ALPK1: variants seen among roughly 807,000 people sequenced by gnomAD.
ALPK1 encodes alpha-protein kinase 1.
A neutral mutation model predicts 120.6 loss-of-function variants in ALPK1; 110 were observed. That is an observed-to-expected ratio of 0.91 (90% CI 0.78 to 1.07). ALPK1 has a LOEUF of 1.07. ALPK1 is among the 50% of genes least tolerant of loss of function. The pLI, the probability that ALPK1 is intolerant of heterozygous loss-of-function variation, is 0.00. For synonymous variants in ALPK1, 582 were observed against 560.3 expected (o/e 1.04, Z -0.55); for missense variants, 1,498 against 1,483.9 (o/e 1.01, Z -0.16).
At chr4:112,402,409 C>T (rs1363316929) in intron 4 of ALPK1, among the ~76,000 whole-genome samples, 1 of 152,244 alleles carries the variant, frequency 6.6e-6, no homozygotes, top group African/African-American at 2.4e-5. Context: ...ACAGCACACA[C>T]TTTTCCTTGC....
intron 2 of ALPK1, among the ~76,000 whole-genome samples, chr4:112,342,802 C>A (rs927911056): frequency 3.9e-5 from 6 of 152,142 alleles, no homozygotes; most frequent in African/African-American, 7.2e-5. Flanking sequence ...AAGTGAGACA[C>A]AAAGACATTA....
At chr4:112,304,385 A>G (rs969932730) in intron 1 of ALPK1, among the ~76,000 whole-genome samples, 1 of 152,036 alleles carries the variant, frequency 6.6e-6, no homozygotes, top group Non-Finnish European at 1.5e-5. Context: ...AAGTGTTCCT[A>G]TTTCTCCACA....
intron 12 of ALPK1, among the ~76,000 whole-genome samples, chr4:112,436,293 ATACTAT>A (rs1734786256): frequency 7.9e-6 from 1 of 126,322 alleles, no homozygotes; most frequent in Non-Finnish European, 1.7e-5. Flanking sequence ...CTGAGGGTAG[ATACTAT>A]TATTATTCTC....
At chr4:112,382,779 T>C in intron 4 of ALPK1, 1 of 556,624 alleles carries the variant, frequency 1.8e-6, no homozygotes. Context: ...GAGTGGTCAG[T>C]GAGTCTAACA....
Position 112,425,718 on chromosome 4 carries a change from A to G in ALPK1, c.589A>G (p.Ile197Val), listed in dbSNP as rs776750570. Reference sequence around the variant, plus strand: ...CAAGGTCCTGGTGCAGTCGGTCTGTATACAGATCAGAGGGCAGATTCTGCA... The same window carrying G: ...CAAGGTCCTGGTGCAGTCGGTCTGTGTACAGATCAGAGGGCAGATTCTGCA... Reference protein sequence around the residue: ...SDKVLVQSVCIQIRGQILQKL... With the variant: ...SDKVLVQSVCVQIRGQILQKL... The change falls in exon 7 of 16, where the codon ATA (isoleucine) becomes GTA (valine). Residue 197 changes from isoleucine to valine, a missense_variant. By Grantham distance (29) the Ile-to-Val change is conservative. Coordinates refer to ENST00000650871, the MANE Select transcript of ALPK1 (RefSeq NM_025144.4). 6.2e-7 allele frequency: 1 copy of G among 1,613,028 alleles called. No individual in the cohort carries two copies. The highest frequency in any genetic ancestry group is 1.7e-5 in the Admixed American group (1 of 59,990).
chr4:112,304,367 C>A (rs1368794812), intron 1 of ALPK1, among the ~76,000 whole-genome samples: 1 of 152,122 alleles, frequency 6.6e-6, no homozygotes, highest in East Asian at 1.9e-4. Context: ...GTCCCACCAA[C>A]AGTGTAAAAG....
intron 2 of ALPK1, among the ~76,000 whole-genome samples, chr4:112,352,282 C>T (rs1730396083): frequency 6.6e-6 from 1 of 152,142 alleles, no homozygotes; most frequent in South Asian, 2.1e-4. Flanking sequence ...GAAAAACATA[C>T]CACTTGCTTT....
chr4:112,423,392 A>T (rs917485502), intron 5 of ALPK1, among the ~76,000 whole-genome samples: 1 of 152,234 alleles, frequency 6.6e-6, no homozygotes, highest in East Asian at 1.9e-4. Context: ...AAGCCAGATC[A>T]TGTAGGGCTT....
At chr4:112,317,168 TA>T (rs964814782) in intron 2 of ALPK1, among the ~76,000 whole-genome samples, 3 of 152,170 alleles carry the variant, frequency 2.0e-5, no homozygotes, top group African/African-American at 7.2e-5. Context: ...GATTTGCAAA[TA>T]TTTTTTCTCA....
intron 4 of ALPK1, among the ~76,000 whole-genome samples, chr4:112,391,556 G>C (rs1030968090): frequency 6.6e-6 from 1 of 152,218 alleles, no homozygotes; most frequent in African/African-American, 2.4e-5. Flanking sequence ...GGTCATACTG[G>C]AGTAGGGTGA....
At position 112,425,634 on chromosome 4, in the gene ALPK1, A is replaced by AAAAGGG. The variant is rs765384476; in HGVS notation, c.536-30_536-29insAAGGGA. 18 of 1,582,148 alleles carry AAAAGGG rather than the reference A, an allele frequency of 1.1e-5. No individual in the cohort carries two copies. The African/African-American group carries it at 2.4e-4, about 21-fold the overall frequency. Reference sequence around the variant, plus strand: ...TAATTTGCAAGGCTATATCTCTGATAATTCAAGGGAATTTTCATCTTTTCT... The same window carrying AAAAGGG: ...TAATTTGCAAGGCTATATCTCTGATAAAAGGGATTCAAGGGAATTTTCATCTTTTCT... On this transcript the variant is annotated intron_variant, in intron 6 of 15. Coordinates refer to ENST00000650871, the MANE Select transcript of ALPK1 (RefSeq NM_025144.4).
chr4:112,364,906 A>G (rs1377590805), intron 2 of ALPK1, among the ~76,000 whole-genome samples: 2 of 152,228 alleles, frequency 1.3e-5, no homozygotes, highest in Non-Finnish European at 2.9e-5. Context: ...TTTAACATAC[A>G]CAAGTCAATA....
At chr4:112,397,528 C>T (rs1045640919) in intron 4 of ALPK1, among the ~76,000 whole-genome samples, 19 of 152,198 alleles carry the variant, frequency 1.2e-4, no homozygotes, top group African/African-American at 4.3e-4. Context: ...GAGACCTCTA[C>T]GTCTTCTAGA....
intron 5 of ALPK1, among the ~76,000 whole-genome samples, chr4:112,421,290 G>GA (rs1451564429): frequency 4.0e-5 from 6 of 151,752 alleles, no homozygotes; most frequent in South Asian, 2.1e-4. Flanking sequence ...TACTAAATTA[G>GA]AAAAAAAATG....
chr4:112,326,377 G>A (rs1729120364), intron 2 of ALPK1, among the ~76,000 whole-genome samples: 1 of 152,112 alleles, frequency 6.6e-6, no homozygotes, highest in South Asian at 2.1e-4. Flanking sequence ...ATCATAAATA[G>A]GTCAGATAAA....
chr4:112,332,576 T>G (rs1729432468), intron 2 of ALPK1, among the ~76,000 whole-genome samples: 1 of 152,206 alleles, frequency 6.6e-6, no homozygotes, highest in Non-Finnish European at 1.5e-5. Context: ...ATGATCAAGG[T>G]CCCTGAATAC....
rs773351842 is a variant in ALPK1, at chr4:112,432,389, T to C, written c.2842T>C (p.Trp948Arg). 6.2e-7 allele frequency: 1 copy of C among 1,614,220 alleles called. No homozygotes were observed. Among genetic ancestry groups the C allele is most frequent in the Middle Eastern group, 1.6e-4 (1 of 6,062 alleles). The change falls in exon 11 of 16, where the codon TGG becomes CGG. Residue 948 changes from tryptophan (W) to arginine (R), a missense_variant. Physicochemically the swap from Trp to Arg is moderately radical, Grantham distance 101. Coordinates refer to ENST00000650871, the MANE Select transcript of ALPK1 (RefSeq NM_025144.4). ...SSGSSEGDSP[W>R]SYLNSSGSSW... Reference sequence around the variant, plus strand: ...TGGTTCTTCTGAGGGGGACAGCCCTTGGTCCTATCTGAATTCCAGTGGGAG... The same window carrying C: ...TGGTTCTTCTGAGGGGGACAGCCCTCGGTCCTATCTGAATTCCAGTGGGAG...
At chr4:112,319,234 T>C (rs1728763029) in intron 2 of ALPK1, among the ~76,000 whole-genome samples, 1 of 152,142 alleles carries the variant, frequency 6.6e-6, no homozygotes. Flanking sequence ...GGCAGCTTTG[T>C]TGCCTATAGG....
intron 3 of ALPK1, among the ~76,000 whole-genome samples, chr4:112,381,489 A>G (rs571538021): frequency 6.6e-6 from 1 of 152,254 alleles, no homozygotes; most frequent in Admixed American, 6.5e-5. Context: ...GTACGGGTCC[A>G]TATATATATA....
Sources: allele counts gnomAD v4.1 joint callset (sites outside exome capture counted in the v4.1 genomes callset), GRCh38; gene constraint gnomAD v4.1.1; transcripts MANE v1.5; gene names NCBI Gene and HGNC (gene_info 2026-07-23, HGNC 2026-07-21).